Variants in PREPL observed in about 807,000 individuals in gnomAD.
The protein encoded by PREPL is prolyl endopeptidase-like.
In PREPL, 77 loss-of-function variants were observed where a neutral mutation model predicts 70.6. The observed-to-expected ratio is 1.09, with a 90% CI of 0.91 to 1.32. The LOEUF (loss-of-function observed/expected upper bound fraction) is 1.32, where lower values mean the gene tolerates loss of function less well. Among genes scored for constraint, PREPL ranks in the 40% most tolerant of loss-of-function variants. The pLI is 0.00. For missense variants in PREPL, 1,002 were observed against 778.2 expected (o/e 1.29, Z -3.42); for synonymous variants, 315 against 264.8 (o/e 1.19, Z -1.84).
chr2:44,346,802 A>C (rs1018813824), intron 1 of PREPL, among the ~76,000 whole-genome samples: 4 of 152,092 alleles, frequency 2.6e-5, no homozygotes, highest in African/African-American at 7.2e-5. Flanking sequence ...GAAGTACTGA[A>C]GTACTTCCTA....
rs1397317395 is a variant in PREPL at position 44,317,638 on chromosome 2, T to G, written c.*3718A>C. 6.6e-6 allele frequency: 1 copy of G among 152,258 alleles called. No homozygotes were observed. The highest frequency in any genetic ancestry group is 6.5e-5 in the Admixed American group (1 of 15,270). 9.4% of individuals were successfully genotyped at this position (152,258 alleles called of 1,614,324 possible). A position where few individuals can be genotyped will look rare whatever the true frequency, so the allele number is the denominator to read the frequency against. Reference sequence around the variant, plus strand: ...AGTGGTCATAATTTTAATGGTAAAATTAGGACATAAAAATAATTTTCAAAG... The same window carrying G: ...AGTGGTCATAATTTTAATGGTAAAAGTAGGACATAAAAATAATTTTCAAAG... On this transcript the variant is annotated 3_prime_UTR_variant, in exon 14 of 14. Coordinates refer to ENST00000409411, the MANE Select transcript of PREPL (RefSeq NM_001171613.2).
intron 8 of PREPL, among the ~76,000 whole-genome samples, chr2:44,330,633 T>C (rs1214025439): frequency 6.6e-6 from 1 of 152,124 alleles, no homozygotes; most frequent in Non-Finnish European, 1.5e-5. Flanking sequence ...TACTTAAAGA[T>C]TGTCAGAGAA....
intron 1 of PREPL, chr2:44,359,737 T>C: frequency 6.5e-7 from 1 of 1,534,774 alleles, no homozygotes; most frequent in African/African-American, 1.4e-5. Context: ...CCCTGGTTTA[T>C]GCTCCTTTTG....
Position 44,326,870 on chromosome 2 carries a change from T to G in PREPL, c.1321A>C (p.Asn441His). 6.2e-7 allele frequency: 1 copy of G among 1,614,166 alleles called. No homozygotes were observed. Among genetic ancestry groups the G allele is most frequent in the East Asian group, 2.2e-5 (1 of 44,872 alleles). Residue 441 changes from asparagine (N) to histidine (H), a missense_variant, in exon 10 of 14, where the codon AAT becomes CAT. Transcript: ENST00000409411. ...HADGRLTKKL[N>H]GLADLEACIK... ...CAAGCCTCTAAATCAGCAAGGCCAT[T>G]GAGTTTTTTAGTTAGGCGGCCATCA...
chr2:44,359,043 G>C (rs1677360730), intron 1 of PREPL, among the ~76,000 whole-genome samples: 1 of 149,010 alleles, frequency 6.7e-6, no homozygotes, highest in Non-Finnish European at 1.5e-5. Flanking sequence ...TATTACATTA[G>C]AGCCCTATAA....
chr2:44,339,783 G>A (rs1036421699), intron 5 of PREPL, among the ~76,000 whole-genome samples: 2 of 152,060 alleles, frequency 1.3e-5, no homozygotes, highest in South Asian at 2.1e-4. Context: ...GCTGAGAAGA[G>A]GAAATAAACT....
At chr2:44,328,302 T>C (rs1173011909) in intron 9 of PREPL, among the ~76,000 whole-genome samples, 1 of 141,762 alleles carries the variant, frequency 7.1e-6, no homozygotes, top group Non-Finnish European at 1.5e-5. Flanking sequence ...GACAGTGTGG[T>C]GGTGTGCGCC....
intron 1 of PREPL, among the ~76,000 whole-genome samples, chr2:44,353,655 A>C (rs1180142366): frequency 1.3e-5 from 2 of 152,212 alleles, no homozygotes; most frequent in East Asian, 1.9e-4. Context: ...TAGTACTGGC[A>C]TAACGACAGA....
intron 8 of PREPL, 91 bp from the exon 9 acceptor site, chr2:44,329,203 C>T (rs1161919061): frequency 6.7e-6 from 7 of 1,048,410 alleles, no homozygotes; most frequent in African/African-American, 3.2e-5. Context: ...TGCACTGTCC[C>T]CACTTGTGTG....
intron 7 of PREPL, among the ~76,000 whole-genome samples, chr2:44,334,652 T>A (rs1674453392): frequency 6.6e-6 from 1 of 152,228 alleles, no homozygotes; most frequent in African/African-American, 2.4e-5. Flanking sequence ...TTCAAGTGAC[T>A]CTCCTGCCTC....
intron 10 of PREPL, among the ~76,000 whole-genome samples, chr2:44,325,879 G>A (rs941957252): frequency 6.6e-6 from 1 of 152,182 alleles, no homozygotes; most frequent in Non-Finnish European, 1.5e-5. Context: ...CTGCTACAAT[G>A]TAACTTCGTA....
intron 8 of PREPL, among the ~76,000 whole-genome samples, chr2:44,329,856 G>A (rs1673911019): frequency 6.6e-6 from 1 of 152,146 alleles, no homozygotes; most frequent in South Asian, 2.1e-4. Flanking sequence ...AACTAATTCT[G>A]ATCTACCTTT....
chr2:44,340,788 C>A (rs1381661662), intron 5 of PREPL, among the ~76,000 whole-genome samples: 1 of 151,984 alleles, frequency 6.6e-6, no homozygotes, highest in Non-Finnish European at 1.5e-5. Context: ...ATTAGCCAGG[C>A]ATGGTGGCAG....
intron 10 of PREPL, among the ~76,000 whole-genome samples, chr2:44,325,366 T>C (rs1673390835): frequency 6.6e-6 from 1 of 152,252 alleles, no homozygotes; most frequent in South Asian, 2.1e-4. Flanking sequence ...TGCTTGGCAG[T>C]GGCGGCAGTA....
At chr2:44,344,427 A>T in intron 3 of PREPL, 93 bp downstream of exon 3, 1 of 974,902 alleles carries the variant, frequency 1.0e-6, no homozygotes, top group Non-Finnish European at 1.5e-6. Context: ...CTTTAAAAAA[A>T]TCTTTTCTCT....
At chr2:44,345,641 C>T (rs966947988) in intron 2 of PREPL, among the ~76,000 whole-genome samples, 1 of 152,136 alleles carries the variant, frequency 6.6e-6, no homozygotes, top group African/African-American at 2.4e-5. Flanking sequence ...AGCCACTGCA[C>T]GCACAGCCCT....
Position 44,343,943 on chromosome 2 carries a change from C to G in PREPL, c.151G>C (p.Asp51His). ...AAATTGAATAAAACTTCATAATTAT[C>G]ATTGTCTGCTGTATAAAGAAAAATA... ...VRSKDEEADN[D>H]NYEVLFNLEE... Residue 51 changes from aspartate (D) to histidine (H), a missense_variant, in exon 4 of 14, where the codon GAT (aspartate) becomes CAT (histidine). Asp to His is a moderately conservative substitution (Grantham distance 81, BLOSUM62 -1). Transcript: ENST00000409411. 6.2e-7 allele frequency: 1 copy of G among 1,613,670 alleles called. No homozygotes were observed. Among genetic ancestry groups the G allele is most frequent in the African/African-American group, 1.3e-5 (1 of 75,000 alleles).
intron 10 of PREPL, among the ~76,000 whole-genome samples, chr2:44,324,850 T>C (rs544883393): frequency 6.6e-5 from 10 of 152,158 alleles, no homozygotes; most frequent in South Asian, 6.2e-4. Context: ...TCGTGTGCCA[T>C]TGCATTCCAG....
chr2:44,327,018 T>C, intron 9 of PREPL, 90 bp from the exon 10 acceptor site: 3 of 1,087,706 alleles, frequency 2.8e-6, no homozygotes, highest in Non-Finnish European at 4.1e-6. Context: ...GGCCTGTTTT[T>C]TGTGTGGCCC....
Sources: gnomAD v4.1 joint callset for allele counts (sites outside exome capture counted in the v4.1 genomes callset) on GRCh38, gnomAD v4.1.1 for gene constraint, MANE v1.5 for transcripts, NCBI Gene and HGNC (gene_info 2026-07-23, HGNC 2026-07-21) for gene names.